The following ENAH variants were observed in gnomAD, a reference collection of about 807,000 sequenced individuals.
ENAH encodes ENAH actin regulator.
A neutral mutation model predicts 78.7 loss-of-function variants in ENAH; 23 were observed. The ratio of observed to expected loss-of-function variants is 0.29; its 90% CI spans 0.21 to 0.41. The LOEUF is 0.41. Ranked by LOEUF, ENAH falls within the 10% of genes least tolerant of loss-of-function variation. ENAH has a pLI of 1.00. For synonymous variants in ENAH, 226 were observed against 241.0 expected, an observed-to-expected ratio of 0.94 and a Z score of 0.58; for missense variants, 544 against 691.0, an observed-to-expected ratio of 0.79 and a Z score of 2.39.
intron 3 of ENAH, among the ~76,000 whole-genome samples, chr1:225,546,719 C>T (rs1367725674): frequency 6.6e-6 from 1 of 152,116 alleles, no homozygotes; most frequent in African/African-American, 2.4e-5. Flanking sequence ...TTTTCAACAG[C>T]TAGAAACCCT....
At chr1:225,639,993 G>A (rs1034772081) in intron 1 of ENAH, among the ~76,000 whole-genome samples, 2 of 152,090 alleles carry the variant, frequency 1.3e-5, no homozygotes, top group Non-Finnish European at 2.9e-5. Flanking sequence ...CAGTTACTTG[G>A]AGCTGAAAGC....
chr1:225,592,506 A>T (rs1229688172), intron 1 of ENAH, among the ~76,000 whole-genome samples: 8 of 152,226 alleles, frequency 5.3e-5, no homozygotes. Flanking sequence ...GATGTTTAGT[A>T]CATCTCTATG....
At position 225,621,316 on chromosome 1, in the gene ENAH, G is replaced by A. The variant is rs555468937; in HGVS notation, c.5+31370C>T. On this transcript the variant is annotated intron_variant, in intron 1 of 13. Coordinates refer to ENST00000366843, the MANE Select transcript of ENAH (RefSeq NM_018212.6). ...TCTCTCTTTTTTTTTTTTTTGAGAC[G>A]CAGTCTCGCTCTGTCGCCCAGGCTG... Among the ~76,000 whole-genome samples, 27 of 136,858 alleles carry A rather than the reference G, an allele frequency of 2.0e-4. No individual in the cohort carries two copies. In the South Asian group the frequency reaches 5.9e-3, roughly 30 times the overall value. The allele number at this position is 136,858 out of a possible 152,430, so 89.8% of individuals were successfully genotyped here.
intron 1 of ENAH, among the ~76,000 whole-genome samples, chr1:225,650,659 G>C (rs1487405131): frequency 6.6e-6 from 1 of 151,724 alleles, no homozygotes; most frequent in African/African-American, 2.4e-5. Flanking sequence ...GACCATCCTG[G>C]CTAACATGGT....
chr1:225,519,820 T>C (rs1198062282), intron 4 of ENAH, among the ~76,000 whole-genome samples: 2 of 152,220 alleles, frequency 1.3e-5, no homozygotes, highest in East Asian at 1.9e-4. Context: ...TCTGTACTTT[T>C]CATGAGTAGT....
chr1:225,590,221 C>A (rs895064279), intron 1 of ENAH, among the ~76,000 whole-genome samples: 1 of 151,990 alleles, frequency 6.6e-6, no homozygotes, highest in Non-Finnish European at 1.5e-5. Context: ...TGGTGGCTCA[C>A]GCCTATAATC....
chr1:225,581,954 TA>T (rs1158803953), intron 1 of ENAH, among the ~76,000 whole-genome samples: 1 of 151,752 alleles, frequency 6.6e-6, no homozygotes, highest in South Asian at 2.1e-4. Context: ...CATCTCTGGA[TA>T]AAATTTATAG....
intron 2 of ENAH, among the ~76,000 whole-genome samples, chr1:225,561,868 C>A (rs910559826): frequency 6.6e-6 from 1 of 152,030 alleles, no homozygotes. Flanking sequence ...TTCCTTGTGA[C>A]CTCGCTCACT....
intron 1 of ENAH, among the ~76,000 whole-genome samples, chr1:225,629,254 G>A (rs1371437336): frequency 6.6e-6 from 1 of 151,836 alleles, no homozygotes; most frequent in African/African-American, 2.4e-5. Context: ...CTTCAGCCTG[G>A]GTGACAGAGC....
intron 1 of ENAH, among the ~76,000 whole-genome samples, chr1:225,609,656 ATTTTTTTTTT>A (rs59508510): frequency 2.6e-5 from 2 of 76,484 alleles, no homozygotes; most frequent in African/African-American, 5.2e-5. Flanking sequence ...GGAAAAATGG[ATTTTTTTTTT>A]TTTTTTTTTT....
intron 1 of ENAH, among the ~76,000 whole-genome samples, chr1:225,612,903 C>T (rs568089806): frequency 2.6e-5 from 4 of 152,022 alleles, no homozygotes; most frequent in Non-Finnish European, 5.9e-5. Context: ...AAGTCAACCA[C>T]GATACATTTA....
chr1:225,596,441 G>A (rs1226702556), intron 1 of ENAH, among the ~76,000 whole-genome samples: 1 of 152,024 alleles, frequency 6.6e-6, no homozygotes, highest in East Asian at 1.9e-4. Flanking sequence ...AAAGGTTCCT[G>A]AAATTACACC....
intron 2 of ENAH, among the ~76,000 whole-genome samples, chr1:225,556,635 C>T (rs576861): frequency 0.66 from 100,241 of 151,912 alleles, 33,396 homozygotes; most frequent in Middle Eastern, 0.74. Context: ...TTCTATGAAT[C>T]GCCTTTTCAC....
chr1:225,594,298 T>TTACAATGAAATTACATCATTAA (rs1553452311), intron 1 of ENAH, among the ~76,000 whole-genome samples: 111 of 152,332 alleles, frequency 7.3e-4, no homozygotes, highest in African/African-American at 2.7e-3. Context: ...AATTACATCA[T>TTACAATGAAATTACATCATTAA]TACAACAATC....
At chr1:225,586,304 G>C (rs1181905563) in intron 1 of ENAH, among the ~76,000 whole-genome samples, 3 of 149,192 alleles carry the variant, frequency 2.0e-5, no homozygotes, top group Non-Finnish European at 4.4e-5. Flanking sequence ...GGGGAGAGGA[G>C]GGGGAAGGAA....
chr1:225,514,551 G>C (rs1394427570), intron 7 of ENAH, 45 bp downstream of exon 7: 3 of 1,295,378 alleles, frequency 2.3e-6, no homozygotes, highest in Non-Finnish European at 3.3e-6. Context: ...TAGATATTTA[G>C]GAAGAATAAG....
intron 1 of ENAH, among the ~76,000 whole-genome samples, chr1:225,649,028 T>G (rs1303170589): frequency 6.6e-6 from 1 of 152,120 alleles, no homozygotes; most frequent in Non-Finnish European, 1.5e-5. Context: ...TTTACCCAAA[T>G]AGTCTAACAT....
intron 1 of ENAH, among the ~76,000 whole-genome samples, chr1:225,606,422 G>T (rs1419666272): frequency 6.9e-6 from 1 of 144,666 alleles, no homozygotes; most frequent in Non-Finnish European, 1.5e-5. Context: ...ACGCACCACT[G>T]CACTCCAGCC....
chr1:225,612,771 C>G (rs1221564389), intron 1 of ENAH, among the ~76,000 whole-genome samples: 1 of 151,624 alleles, frequency 6.6e-6, no homozygotes, highest in African/African-American at 2.4e-5. Flanking sequence ...ATTTTGCCTT[C>G]TGAGGACCAA....
Sources: gnomAD v4.1 joint callset for allele counts (sites outside exome capture counted in the v4.1 genomes callset) on GRCh38, gnomAD v4.1.1 for gene constraint, MANE v1.5 for transcripts, NCBI Gene and HGNC (gene_info 2026-07-23, HGNC 2026-07-21) for gene names.